Variants in ABCC2 observed in about 807,000 individuals in gnomAD.
ABCC2 encodes ATP binding cassette subfamily C member 2.
Under a neutral mutation model 173.4 loss-of-function variants are expected in ABCC2, and 157 were observed. The observed-to-expected ratio is 0.91, with a 90% CI of 0.80 to 1.03. ABCC2 has a LOEUF of 1.03. Among genes scored for constraint, ABCC2 ranks in the 50% least tolerant of loss-of-function variants. The probability of loss-of-function intolerance (pLI) is 0.00; values close to 1 mark genes in which losing one functional copy is unlikely to be tolerated. For synonymous variants in ABCC2, 657 were observed against 693.5 expected (o/e 0.95, Z 0.83); for missense variants, 1,822 against 1,852.3 (o/e 0.98, Z 0.30).
At chr10:99,814,378 C>CACGTATGTATACACACGTAT (rs1564684750) in intron 16 of ABCC2, among the ~76,000 whole-genome samples, 1 of 24,096 alleles carries the variant, frequency 4.2e-5, no homozygotes. Flanking sequence ...TATATATACA[C>CACGTATGTATACACACGTAT]ATATATACAT....
chr10:99,818,990 AGGT>A, intron 18 of ABCC2, 33 bp downstream of exon 18: 3 of 1,284,574 alleles, frequency 2.3e-6, no homozygotes, highest in Non-Finnish European at 3.3e-6. Context: ...GAAGATATAA[AGGT>A]GGGGTGGGAG....
Position 99,851,739 on chromosome 10 carries a change from T to C in ABCC2, c.*108T>C. The C allele has an allele frequency of 1.3e-5, 15 of 1,181,632 alleles. No individual in the cohort carries two copies. The South Asian group carries it at 2.3e-4, about 18-fold the overall frequency. The allele number at this position is 1,181,632 out of a possible 1,614,324, so 73.2% of individuals were successfully genotyped here. On this transcript the variant is annotated 3_prime_UTR_variant, in exon 32 of 32. Coordinates refer to ENST00000647814, the MANE Select transcript of ABCC2 (RefSeq NM_000392.5). ...AAAAGTGTGTATAAAATGTACGTTTTAAAAAAGGATAAGTGAACACCCATG... is the reference window on the plus strand; with the variant it reads ...AAAAGTGTGTATAAAATGTACGTTTCAAAAAAGGATAAGTGAACACCCATG...
intron 20 of ABCC2, 136 bp downstream of exon 20, chr10:99,830,569 G>A (rs967352046): frequency 3.2e-6 from 5 of 1,563,224 alleles, no homozygotes; most frequent in Non-Finnish European, 3.5e-6. Context: ...CTTTGTTGTG[G>A]GGATGGGGAA....
intron 26 of ABCC2, among the ~76,000 whole-genome samples, chr10:99,843,273 A>C (rs979390741): frequency 6.7e-6 from 1 of 150,108 alleles, no homozygotes; most frequent in African/African-American, 2.5e-5. Context: ...CATATGCTTC[A>C]ATCTACACAA....
chr10:99,804,636 G>A (rs2038068686), intron 10 of ABCC2, among the ~76,000 whole-genome samples: 1 of 152,068 alleles, frequency 6.6e-6, no homozygotes, highest in Admixed American at 6.6e-5. Flanking sequence ...GCAGTCGCAT[G>A]AGTGATCCAA....
At chr10:99,847,236 C>A in intron 30 of ABCC2, 109 bp downstream of exon 30, 2 of 1,264,168 alleles carry the variant, frequency 1.6e-6, no homozygotes, top group Non-Finnish European at 2.3e-6. Context: ...TCATCCAGGT[C>A]TGATTCCTAA....
In ABCC2 at chr10:99,817,461, G is replaced by C. The variant is rs200511859; in HGVS notation, c.2248G>C (p.Asp750His). The change falls in exon 17 of 32, where the codon GAT (aspartate) becomes CAT (histidine). Residue 750 changes from aspartate to histidine, a missense_variant. By Grantham distance (81) the Asp-to-His change is moderately conservative. Transcript: ENST00000647814. ...AGACTTGGAAATGCTGCCTGGAGGA[G>C]ATTTGGCTGAGATTGGAGAGAAGGT... ...LPDLEMLPGG[D>H]LAEIGEKGIN... The C allele has an allele frequency of 1.4e-5, 23 of 1,614,050 alleles. No homozygotes were observed. The highest frequency in any genetic ancestry group is 2.2e-5 in the South Asian group (2 of 91,080).
At chr10:99,790,651 C>T (rs866886550) in intron 2 of ABCC2, among the ~76,000 whole-genome samples, 10 of 152,116 alleles carry the variant, frequency 6.6e-5, no homozygotes, top group Admixed American at 5.2e-4. Flanking sequence ...CATAGCTTAC[C>T]GCCTATGAAG....
rs1436600162 is a variant in ABCC2 at position 99,834,494 on chromosome 10, A to G, written c.3373A>G (p.Ile1125Val). ...MICMATPVFTIIVIPLGIIYV... is the reference protein window; with the variant it reads ...MICMATPVFTVIVIPLGIIYV... ...CTGCATGGCCACTCCTGTCTTCACC[A>G]TCATCGTCATTCCTCTTGGCATTAT... The change falls in exon 24 of 32, where the codon ATC (isoleucine) becomes GTC (valine). Residue 1125 changes from isoleucine to valine, a missense_variant. Physicochemically the swap from Ile to Val is conservative, Grantham distance 29. Coordinates refer to ENST00000647814, the MANE Select transcript of ABCC2 (RefSeq NM_000392.5). 4 of 1,614,020 alleles carry G rather than the reference A, an allele frequency of 2.5e-6. No homozygotes were observed. Among genetic ancestry groups the G allele is most frequent in the Non-Finnish European group, 8.5e-7 (1 of 1,180,034 alleles).
chr10:99,846,088 A>T (rs2039013027), intron 29 of ABCC2, among the ~76,000 whole-genome samples: 1 of 152,246 alleles, frequency 6.6e-6, no homozygotes, highest in Admixed American at 6.5e-5. Flanking sequence ...TGCAATCAGC[A>T]TTAGCAGTTT....
At chr10:99,814,271 A>ACG (rs2038301284) in intron 16 of ABCC2, among the ~76,000 whole-genome samples, 2 of 29,254 alleles carry the variant, frequency 6.8e-5, no homozygotes, top group Admixed American at 6.6e-4. Context: ...ACGTATGTAT[A>ACG]CACACGTATG....
intron 11 of ABCC2, among the ~76,000 whole-genome samples, chr10:99,806,310 A>C (rs1436106748): frequency 2.0e-5 from 3 of 152,150 alleles, no homozygotes; most frequent in Admixed American, 6.6e-5. Flanking sequence ...AGCCTGATCC[A>C]TCCCTTACAA....
intron 15 of ABCC2, among the ~76,000 whole-genome samples, chr10:99,812,556 A>G (rs1247327756): frequency 6.6e-6 from 1 of 152,186 alleles, no homozygotes; most frequent in African/African-American, 2.4e-5. Flanking sequence ...TTAGTACCTA[A>G]TTTGGGAAAT....
intron 26 of ABCC2, among the ~76,000 whole-genome samples, chr10:99,842,752 A>C (rs1023255061): frequency 6.6e-6 from 1 of 152,192 alleles, no homozygotes; most frequent in African/African-American, 2.4e-5. Flanking sequence ...TGTCTTCATT[A>C]GAAGTTAATA....
At chr10:99,792,751 T>C (rs1041315940) in intron 3 of ABCC2, among the ~76,000 whole-genome samples, 2 of 152,200 alleles carry the variant, frequency 1.3e-5, no homozygotes, top group Admixed American at 1.3e-4. Flanking sequence ...TATATAAACT[T>C]GATATCAAAA....
intron 20 of ABCC2, 88 bp from the exon 21 acceptor site, chr10:99,830,628 T>G (rs964593068): frequency 6.2e-7 from 1 of 1,603,740 alleles, no homozygotes; most frequent in African/African-American, 1.3e-5. Flanking sequence ...TGAAATGCGC[T>G]TTGATGCCAG....
At chr10:99,814,092 C>CACAT (rs1554850387) in intron 16 of ABCC2, among the ~76,000 whole-genome samples, 2 of 133,198 alleles carry the variant, frequency 1.5e-5, no homozygotes, top group Middle Eastern at 4.7e-3. Flanking sequence ...TGTATATACA[C>CACAT]ATATATATAC....
chr10:99,799,484 G>T, intron 8 of ABCC2, 114 bp downstream of exon 8: 1 of 1,288,764 alleles, frequency 7.8e-7, no homozygotes, highest in Admixed American at 1.7e-5. Flanking sequence ...AAAAATGCTC[G>T]TAATTTTCTT....
At chr10:99,786,738 C>T (rs1226879231) in intron 2 of ABCC2, among the ~76,000 whole-genome samples, 1 of 152,076 alleles carries the variant, frequency 6.6e-6, no homozygotes, top group Non-Finnish European at 1.5e-5. Flanking sequence ...GGCATGGTGG[C>T]TCACGCTTGT....
Sources: allele counts gnomAD v4.1 joint callset (sites outside exome capture counted in the v4.1 genomes callset), GRCh38; gene constraint gnomAD v4.1.1; transcripts MANE v1.5; gene names NCBI Gene and HGNC (gene_info 2026-07-23, HGNC 2026-07-21).